The following LAMA2 variants were observed in gnomAD, a reference collection of about 807,000 sequenced individuals.
LAMA2 encodes laminin subunit alpha 2.
A neutral mutation model predicts 364.8 loss-of-function variants in LAMA2; 269 were observed. The ratio of observed to expected loss-of-function variants is 0.74; its 90% CI spans 0.67 to 0.82. LAMA2 has a LOEUF of 0.82. Ranked by LOEUF, LAMA2 falls within the 40% of genes least tolerant of loss-of-function variation. The pLI, the probability that LAMA2 is intolerant of heterozygous loss-of-function variation, is 0.00. For synonymous variants in LAMA2, 1,379 were observed against 1,370.6 expected, an observed-to-expected ratio of 1.01 and a Z score of -0.14; for missense variants, 3,807 against 3,873.2, an observed-to-expected ratio of 0.98 and a Z score of 0.45.
chr6:128,928,509 A>G (rs535338953), intron 1 of LAMA2, among the ~76,000 whole-genome samples: 2 of 152,220 alleles, frequency 1.3e-5, no homozygotes, highest in African/African-American at 2.4e-5. Context: ...ACTCAGCTCT[A>G]TGTTGCTTAA....
intron 42 of LAMA2, among the ~76,000 whole-genome samples, 189 bp downstream of exon 42, chr6:129,438,951 TTA>T (rs1781968358): frequency 6.6e-6 from 1 of 152,042 alleles, no homozygotes; most frequent in Non-Finnish European, 1.5e-5. Context: ...ATGGTATTTT[TTA>T]TCTTTTATTG....
chr6:129,044,275 T>G (rs1582928937), intron 1 of LAMA2, among the ~76,000 whole-genome samples: 1 of 152,078 alleles, frequency 6.6e-6, no homozygotes, highest in East Asian at 1.9e-4. Flanking sequence ...TAAAAGCTAC[T>G]TCACAATTAT....
In LAMA2 at chr6:129,507,475, A is replaced by G; in HGVS notation, c.8704-14A>G. 6.2e-7 allele frequency: 1 copy of G among 1,614,014 alleles called. No individual in the cohort carries two copies. Among genetic ancestry groups the G allele is most frequent in the Non-Finnish European group, 8.5e-7 (1 of 1,179,872 alleles). On this transcript the variant is annotated splice_polypyrimidine_tract_variant and intron_variant, in intron 61 of 64. Transcript: ENST00000421865. ...TAAAACCTGACATTTGTTTCTTCTG[A>G]TCTGAATGTTTAGGTGACCTATAGC...
intron 1 of LAMA2, among the ~76,000 whole-genome samples, chr6:129,049,579 G>C (rs1787845507): frequency 6.6e-6 from 1 of 151,868 alleles, no homozygotes; most frequent in Non-Finnish European, 1.5e-5. Flanking sequence ...AATGGAAGAT[G>C]GAAGATTTAG....
chr6:129,438,516 G>A, intron 41 of LAMA2, 130 bp from the exon 42 acceptor site: 3 of 584,882 alleles, frequency 5.1e-6, no homozygotes, highest in South Asian at 4.1e-5. Flanking sequence ...ATGTATAGAT[G>A]CCAATAAATT....
At chr6:129,041,795 G>T (rs1454806556) in intron 1 of LAMA2, among the ~76,000 whole-genome samples, 1 of 152,048 alleles carries the variant, frequency 6.6e-6, no homozygotes, top group Non-Finnish European at 1.5e-5. Context: ...CTGAGGGCAG[G>T]ATTTTAAGAC....
chr6:129,460,076 G>A (rs535442465), intron 48 of LAMA2, 124 bp from the exon 49 acceptor site: 4 of 936,536 alleles, frequency 4.3e-6, no homozygotes, highest in Admixed American at 1.7e-5. Context: ...ATGTACATAT[G>A]CCAAAATATC....
intron 12 of LAMA2, among the ~76,000 whole-genome samples, chr6:129,242,152 G>A (rs1179837956): frequency 6.6e-6 from 1 of 152,096 alleles, no homozygotes. Context: ...TGAGAACTCT[G>A]TTTTCTATAC....
intron 35 of LAMA2, among the ~76,000 whole-genome samples, chr6:129,387,139 C>CT (rs991212071): frequency 1.3e-5 from 2 of 150,762 alleles, no homozygotes; most frequent in African/African-American, 4.9e-5. Context: ...TGATGTTTTT[C>CT]TTTTTTTTAT....
At chr6:129,300,101 C>T (rs1346714384) in intron 21 of LAMA2, among the ~76,000 whole-genome samples, 1 of 152,002 alleles carries the variant, frequency 6.6e-6, no homozygotes, top group Non-Finnish European at 1.5e-5. Context: ...ACTTTGTACC[C>T]TTTGAATATT....
intron 56 of LAMA2, 100 bp from the exon 57 acceptor site, chr6:129,491,801 C>A: frequency 2.0e-6 from 2 of 988,940 alleles, no homozygotes; most frequent in South Asian, 1.4e-5. Flanking sequence ...CCCTTAAAAG[C>A]TATGGTTGAG....
intron 1 of LAMA2, among the ~76,000 whole-genome samples, chr6:128,986,905 C>T (rs1380543471): frequency 6.6e-6 from 1 of 152,024 alleles, no homozygotes; most frequent in African/African-American, 2.4e-5. Context: ...AGAGACTAGA[C>T]TCTCTAGATC....
chr6:129,110,601 A>T (rs138119646), intron 4 of LAMA2, among the ~76,000 whole-genome samples: 5 of 152,182 alleles, frequency 3.3e-5, no homozygotes, highest in African/African-American at 1.2e-4. Context: ...CTTCCATCTG[A>T]TCCTCACCAA....
intron 40 of LAMA2, among the ~76,000 whole-genome samples, chr6:129,426,110 G>A (rs1280362033): frequency 6.6e-6 from 1 of 152,010 alleles, no homozygotes; most frequent in Non-Finnish European, 1.5e-5. Context: ...CAATAAGGTT[G>A]GCATCTACTG....
chr6:129,264,445 G>A (rs184395724), intron 15 of LAMA2, among the ~76,000 whole-genome samples: 19 of 152,186 alleles, frequency 1.2e-4, no homozygotes, highest in Non-Finnish European at 1.5e-5. Context: ...TGAAAACGCT[G>A]TGAAGTGTAA....
At chr6:129,437,137 C>A (rs1781872561) in intron 41 of LAMA2, among the ~76,000 whole-genome samples, 1 of 152,050 alleles carries the variant, frequency 6.6e-6, no homozygotes, top group Non-Finnish European at 1.5e-5. Context: ...CTAGTTTTGA[C>A]TATCAATCCT....
At chr6:128,950,371 G>A (rs1780735432) in intron 1 of LAMA2, among the ~76,000 whole-genome samples, 1 of 152,134 alleles carries the variant, frequency 6.6e-6, no homozygotes, top group African/African-American at 2.4e-5. Flanking sequence ...TATTTCAGAA[G>A]CAACATACCA....
intron 3 of LAMA2, among the ~76,000 whole-genome samples, chr6:129,075,417 C>G (rs531358604): frequency 1.3e-5 from 2 of 152,170 alleles, no homozygotes; most frequent in East Asian, 3.9e-4. Context: ...ATGAGAAACC[C>G]GCAGTGGTAT....
rs973611671 is a variant in LAMA2 at position 129,157,737 on chromosome 6, G to T, written c.1206+3054G>T. The stretch of plus-strand genomic sequence containing the variant: ...CATATCTTCGTATGACGGATCACTC[G>T]GTACCATGTTATAATATGGCAATTG... On this transcript the variant is annotated intron_variant, in intron 8 of 64. Transcript: ENST00000421865. 3.1e-6 allele frequency: 5 copies of T among 1,611,940 alleles called. No homozygotes were observed. The East Asian group carries it at 8.9e-5, about 29-fold the overall frequency.
Sources: gnomAD v4.1 joint callset for allele counts (sites outside exome capture counted in the v4.1 genomes callset) on GRCh38, gnomAD v4.1.1 for gene constraint, MANE v1.5 for transcripts, NCBI Gene and HGNC (gene_info 2026-07-23, HGNC 2026-07-21) for gene names.